Variants in ZNF341 observed in about 807,000 individuals in gnomAD.
ZNF341 encodes the protein zinc finger protein 341.
ZNF341 carries 52 observed loss-of-function variants against 87.7 expected under a neutral mutation model. The ratio of observed to expected loss-of-function variants is 0.59; its 90% CI spans 0.47 to 0.75. The LOEUF is 0.75. Among genes scored for constraint, ZNF341 ranks in the 30% least tolerant of loss-of-function variants. The pLI, the probability that ZNF341 is intolerant of heterozygous loss-of-function variation, is 0.00. For missense variants in ZNF341, 977 were observed against 1,145.9 expected (o/e 0.85, Z 2.13); for synonymous variants, 459 against 472.7 (o/e 0.97, Z 0.38).
At chr20:33,754,360 G>GT (rs1228324697) in intron 5 of ZNF341, among the ~76,000 whole-genome samples, 1 of 152,078 alleles carries the variant, frequency 6.6e-6, no homozygotes, top group African/African-American at 2.4e-5. Flanking sequence ...GTGCTAGAGG[G>GT]TATGGTTATG....
intron 11 of ZNF341, 30 bp from the exon 12 acceptor site, chr20:33,783,702 T>C: frequency 6.2e-7 from 1 of 1,613,016 alleles, no homozygotes; most frequent in Non-Finnish European, 8.5e-7. Flanking sequence ...GCCCGGTGAG[T>C]CAGACCTGAA....
In ZNF341 at chr20:33,743,510, T is replaced by C. The variant is rs1321372950; in HGVS notation, c.143-1593T>C. 3.3e-5 allele frequency among the ~76,000 whole-genome samples: 5 copies of C among 152,004 alleles called. No homozygotes were observed. The East Asian group carries it at 9.6e-4, about 29-fold the overall frequency. On this transcript the variant is annotated intron_variant, in intron 2 of 14. Coordinates refer to ENST00000375200, the MANE Select transcript of ZNF341 (RefSeq NM_001282933.2). ...ATGCACCATCATGCCCAGCTAATTT[T>C]GTATTTTTAGGAGAGCTGGGGTTTC... is the stretch of plus-strand genomic sequence containing the variant.
intron 1 of ZNF341, among the ~76,000 whole-genome samples, chr20:33,738,024 C>A (rs943243765): frequency 6.6e-6 from 1 of 151,730 alleles, no homozygotes. Flanking sequence ...ATAATCCCAG[C>A]TACTCGGGAG....
At chr20:33,737,679 G>A (rs1401038135) in intron 1 of ZNF341, among the ~76,000 whole-genome samples, 2 of 152,142 alleles carry the variant, frequency 1.3e-5, no homozygotes, top group Non-Finnish European at 2.9e-5. Flanking sequence ...CTGTTGATTG[G>A]TTGGAGGTGC....
chr20:33,748,646 T>C (rs1016854421), intron 3 of ZNF341, among the ~76,000 whole-genome samples: 8 of 151,896 alleles, frequency 5.3e-5, no homozygotes, highest in African/African-American at 1.9e-4. Flanking sequence ...GGGATTATAG[T>C]TGTGAGCCAC....
intron 10 of ZNF341, among the ~76,000 whole-genome samples, chr20:33,779,106 A>G (rs1446090788): frequency 1.3e-5 from 2 of 152,214 alleles, no homozygotes; most frequent in African/African-American, 2.4e-5. Context: ...TACAGGAAGC[A>G]TAGTGTCTGA....
chr20:33,781,962 G>A (rs758889329), intron 11 of ZNF341, among the ~76,000 whole-genome samples: 2 of 152,102 alleles, frequency 1.3e-5, no homozygotes, highest in African/African-American at 2.4e-5. Context: ...TTACACGCAT[G>A]AGCCACTGCA....
At chr20:33,741,175 T>C (rs2018794436) in intron 2 of ZNF341, among the ~76,000 whole-genome samples, 163 bp downstream of exon 2, 1 of 152,140 alleles carries the variant, frequency 6.6e-6, no homozygotes, top group Non-Finnish European at 1.5e-5. Context: ...ATCTTTGGGC[T>C]CACGGCTTTC....
chr20:33,790,877 C>A, intron 14 of ZNF341, 111 bp from the exon 15 acceptor site: 1 of 1,287,352 alleles, frequency 7.8e-7, no homozygotes, highest in Non-Finnish European at 1.0e-6. Context: ...GAGCTGGGGC[C>A]AGATCACACA....
intron 1 of ZNF341, among the ~76,000 whole-genome samples, chr20:33,735,843 C>T (rs1255370844): frequency 6.6e-6 from 1 of 151,972 alleles, no homozygotes; most frequent in East Asian, 1.9e-4. Context: ...CTTCTCCCAC[C>T]ATCCTTGATG....
chr20:33,752,295 T>A, intron 4 of ZNF341: 1 of 604,874 alleles, frequency 1.7e-6, no homozygotes, highest in Non-Finnish European at 3.2e-6. Context: ...CGCACACGGA[T>A]GCAGTATGGG....
At chr20:33,733,807 G>A (rs2018627906) in intron 1 of ZNF341, among the ~76,000 whole-genome samples, 3 of 152,198 alleles carry the variant, frequency 2.0e-5, no homozygotes, top group Admixed American at 2.0e-4. Context: ...CTGCAGTCTG[G>A]TAGAGGAGAG....
At position 33,761,845 on chromosome 20, in the gene ZNF341, A is replaced by T; in HGVS notation, c.1029-17A>T. 1 of 1,474,766 alleles carries T rather than the reference A, an allele frequency of 6.8e-7. No homozygotes were observed. The highest frequency in any genetic ancestry group is 9.2e-7 in the Non-Finnish European group (1 of 1,092,406). The allele number at this position is 1,474,766 out of a possible 1,614,324, so 91.4% of individuals were successfully genotyped here. ...CCCGTTCCTGCAGGAGGGCACTGACAAGCTTGTCTTCCACAGCCACACCGG... is the reference window on the plus strand; with the variant it reads ...CCCGTTCCTGCAGGAGGGCACTGACTAGCTTGTCTTCCACAGCCACACCGG... On this transcript the variant is annotated splice_polypyrimidine_tract_variant and intron_variant, in intron 7 of 14. Transcript: ENST00000375200.
chr20:33,737,180 T>C (rs967292725), intron 1 of ZNF341, among the ~76,000 whole-genome samples: 4 of 152,132 alleles, frequency 2.6e-5, no homozygotes, highest in Non-Finnish European at 5.9e-5. Context: ...AGCCAATTTA[T>C]CAAGACAGGG....
chr20:33,757,307 A>T lies in ZNF341; in HGVS notation c.901A>T (p.Thr301Ser). ...ATFDSPATLK[T>S]RRAKGARGLP... ...CTTTGACTCTCCAGCAACGCTGAAGACCCGACGAGCTAAAGGTGCCAGGGG... is the reference window on the plus strand; with the variant it reads ...CTTTGACTCTCCAGCAACGCTGAAGTCCCGACGAGCTAAAGGTGCCAGGGG... Residue 301 changes from threonine (T) to serine (S), a missense_variant, in exon 6 of 15, where the codon ACC (threonine) becomes TCC (serine). By Grantham distance (58) the Thr-to-Ser change is moderately conservative. This residue lies in a region of ZNF341 where 515 missense variants were observed against 598.2 expected (regional missense o/e 0.86). Coordinates refer to ENST00000375200, the MANE Select transcript of ZNF341 (RefSeq NM_001282933.2). The T allele has an allele frequency of 6.3e-7, 1 of 1,588,778 alleles. No individual in the cohort carries two copies. The highest frequency in any genetic ancestry group is 1.1e-5 in the South Asian group (1 of 87,852).
chr20:33,752,482 A>G lies in ZNF341; in HGVS notation c.490-690A>G. Reference sequence around the variant, plus strand: ...AATGTTGATGGTGTATTCTCAGGTCACCACCTCATTGATGGCCGAATGACC... The same window carrying G: ...AATGTTGATGGTGTATTCTCAGGTCGCCACCTCATTGATGGCCGAATGACC... On this transcript the variant is annotated intron_variant, in intron 4 of 14. Transcript: ENST00000375200. 3.8e-6 allele frequency: 2 copies of G among 528,054 alleles called. 1 individual carries two copies. The highest frequency in any genetic ancestry group is 3.3e-5 in the South Asian group (2 of 61,246). 32.7% of individuals were successfully genotyped at this position (528,054 alleles called of 1,614,324 possible).
intron 8 of ZNF341, among the ~76,000 whole-genome samples, chr20:33,763,910 A>G (rs1000923379): frequency 3.4e-5 from 5 of 148,790 alleles, no homozygotes; most frequent in Non-Finnish European, 7.4e-5. Flanking sequence ...TCAGCCGGGC[A>G]TGGTGGCTCA....
In ZNF341 at chr20:33,732,071, G is replaced by C. The variant is rs1036633887; in HGVS notation, c.31+19G>C. ...CTGGAGGGTGAGCGGCGGCGGGGCC[G>C]GCGGAGGCGGCTGTTCCGCGCTGCG... On this transcript the variant is annotated intron_variant, in intron 1 of 14. Transcript: ENST00000375200. This position sits in a 1 kb window ranked among gnomAD's most constrained non-coding sequence, Gnocchi z 4.5. 404 of 1,264,596 alleles carry C rather than the reference G, an allele frequency of 3.2e-4. No homozygotes were observed. The highest frequency in any genetic ancestry group is 3.8e-4 in the Non-Finnish European group (383 of 1,000,298). The allele number at this position is 1,264,596 out of a possible 1,614,324, so 78.3% of individuals were successfully genotyped here.
intron 10 of ZNF341, among the ~76,000 whole-genome samples, chr20:33,771,150 G>A (rs767302653): frequency 1.6e-4 from 24 of 151,930 alleles, no homozygotes; most frequent in South Asian, 4.2e-4. Context: ...TAAAATGAAC[G>A]GTAACATGTT....
Sources: allele counts gnomAD v4.1 joint callset (sites outside exome capture counted in the v4.1 genomes callset), GRCh38; gene constraint gnomAD v4.1.1; regional missense constraint gnomAD v4.1.1; non-coding constraint Gnocchi (gnomAD v3.1); transcripts MANE v1.5; gene names NCBI Gene and HGNC (gene_info 2026-07-23, HGNC 2026-07-21).